Variants in GSE1 observed in about 807,000 individuals in gnomAD.
GSE1 encodes genetic suppressor element 1.
GSE1 carries 32 observed loss-of-function variants against 112.6 expected under a neutral mutation model. That is an observed-to-expected ratio of 0.28 (90% CI 0.21 to 0.38). GSE1 has a LOEUF of 0.38. GSE1 is among the 10% of genes least tolerant of loss of function. The pLI, the probability that GSE1 is intolerant of heterozygous loss-of-function variation, is 1.00. For missense variants in GSE1, 2,348 were observed against 1,699.2 expected (o/e 1.38, Z -6.71); for synonymous variants, 1,115 against 735.6 (o/e 1.52, Z -8.35).
At chr16:85,369,225 CT>C (rs35586031) in intron 2 of GSE1, among the ~76,000 whole-genome samples, 1 of 151,238 alleles carries the variant, frequency 6.6e-6, no homozygotes, top group Non-Finnish European at 1.5e-5. Context: ...TTGCTGCTGC[CT>C]TTTTTTTGAG....
chr16:85,643,849 A>G (rs949114192), intron 2 of GSE1, among the ~76,000 whole-genome samples: 2 of 151,714 alleles, frequency 1.3e-5, no homozygotes, highest in African/African-American at 4.8e-5. Context: ...CCTGGGCAGC[A>G]GGAGCCCGGA....
chr16:85,651,403 G>GC (rs1467719528), intron 3 of GSE1, among the ~76,000 whole-genome samples: 1 of 151,988 alleles, frequency 6.6e-6, no homozygotes, highest in Non-Finnish European at 1.5e-5. Flanking sequence ...CCTGCTGGCT[G>GC]CCCCCCAGCC....
At chr16:85,546,021 G>A (rs111340940) in intron 2 of GSE1, among the ~76,000 whole-genome samples, 4 of 152,288 alleles carry the variant, frequency 2.6e-5, no homozygotes, top group African/African-American at 7.2e-5. Context: ...TCCTGACCTC[G>A]TGATCTGCCC....
At chr16:85,369,880 G>A (rs1020384631) in intron 2 of GSE1, among the ~76,000 whole-genome samples, 30 of 152,202 alleles carry the variant, frequency 2.0e-4, no homozygotes, top group African/African-American at 6.3e-4. Context: ...TCAGCCTCAC[G>A]GTCATTCTGC....
chr16:85,639,647 C>A (rs150582300), intron 2 of GSE1, among the ~76,000 whole-genome samples: 2 of 152,258 alleles, frequency 1.3e-5, no homozygotes, highest in Non-Finnish European at 2.9e-5. Context: ...GCTTCCAGCT[C>A]CCCAGCTCCA....
Position 85,654,271 on chromosome 16 carries a change from C to A in GSE1, c.427-7C>A. ...TCCTGCCCTGACTGGACGCTCTCCTCCCGCAGGATGCCGGCTCCAGGAGCA... is the reference window on the plus strand; with the variant it reads ...TCCTGCCCTGACTGGACGCTCTCCTACCGCAGGATGCCGGCTCCAGGAGCA... On this transcript the variant is annotated splice_region_variant and splice_polypyrimidine_tract_variant and intron_variant, in intron 3 of 15. Coordinates refer to ENST00000253458, the MANE Select transcript of GSE1 (RefSeq NM_014615.5). 1 of 1,586,336 alleles carries A rather than the reference C, an allele frequency of 6.3e-7. No homozygotes were observed. Among genetic ancestry groups the A allele is most frequent in the East Asian group, 2.3e-5 (1 of 42,614 alleles).
intron 2 of GSE1, among the ~76,000 whole-genome samples, chr16:85,512,859 G>C (rs1319877940): frequency 1.3e-5 from 2 of 152,154 alleles, no homozygotes; most frequent in Non-Finnish European, 2.9e-5. Context: ...TTTCCGGCCT[G>C]CTGACTCACA....
At chr16:85,667,110 G>C (rs1425363098) in intron 13 of GSE1, among the ~76,000 whole-genome samples, 2 of 152,258 alleles carry the variant, frequency 1.3e-5, no homozygotes, top group Non-Finnish European at 2.9e-5. Context: ...CTCCATGACA[G>C]ATACCAAGGG....
At chr16:85,582,666 TC>T (rs2046501317) in intron 1 of GSE1, among the ~76,000 whole-genome samples, 1 of 152,082 alleles carries the variant, frequency 6.6e-6, no homozygotes. Context: ...AGCTCAGTCC[TC>T]CCCGTGTTGA....
At chr16:85,204,140 C>T (rs559857742) in intron 1 of GSE1, among the ~76,000 whole-genome samples, 6 of 152,322 alleles carry the variant, frequency 3.9e-5, no homozygotes, top group African/African-American at 9.6e-5. Context: ...TCCCCGTTCC[C>T]CTCAGTCTCC....
intron 1 of GSE1, among the ~76,000 whole-genome samples, chr16:85,295,726 C>T (rs1489002728): frequency 6.6e-6 from 1 of 152,082 alleles, no homozygotes. Context: ...GTAGAAAACA[C>T]ACATCGATCC....
At chr16:85,568,523 A>T (rs2045852738) in intron 1 of GSE1, among the ~76,000 whole-genome samples, 1 of 152,192 alleles carries the variant, frequency 6.6e-6, no homozygotes, top group Admixed American at 6.5e-5. Context: ...GTAAATTATT[A>T]ATTTGGGCCA....
At chr16:85,402,770 A>G (rs551319569) in intron 2 of GSE1, among the ~76,000 whole-genome samples, 6 of 151,712 alleles carry the variant, frequency 4.0e-5, no homozygotes, top group Non-Finnish European at 8.8e-5. Context: ...AAAAATACAA[A>G]AGTTATCCGG....
At position 85,653,809 on chromosome 16, in the gene GSE1, G is replaced by C. The variant is rs116610980; in HGVS notation, c.427-469G>C. On this transcript the variant is annotated intron_variant, in intron 3 of 15. Coordinates refer to ENST00000253458, the MANE Select transcript of GSE1 (RefSeq NM_014615.5). ...ACCAGGGCCAGGACATCTGCGGCCAGGTGGGCAGCTGTCGGCGCAGTTGAC... is the reference window on the plus strand; with the variant it reads ...ACCAGGGCCAGGACATCTGCGGCCACGTGGGCAGCTGTCGGCGCAGTTGAC... 8.9e-3 allele frequency among the ~76,000 whole-genome samples: 1,352 copies of C among 152,338 alleles called. 20 individuals carry two copies. Among genetic ancestry groups the C allele is most frequent in the African/African-American group, 0.028 (1,149 of 41,562 alleles).
intron 1 of GSE1, among the ~76,000 whole-genome samples, chr16:85,349,905 G>T (rs564991432): frequency 1.3e-5 from 2 of 152,202 alleles, no homozygotes; most frequent in South Asian, 2.1e-4. Context: ...GCCGCTAGGC[G>T]TGGGGGTGCA....
chr16:85,422,974 C>T (rs2048885271), intron 2 of GSE1, among the ~76,000 whole-genome samples: 1 of 152,166 alleles, frequency 6.6e-6, no homozygotes, highest in Non-Finnish European at 1.5e-5. Flanking sequence ...ATTGAACTTG[C>T]CTGGCTTTTA....
intron 2 of GSE1, among the ~76,000 whole-genome samples, chr16:85,449,382 G>C (rs1367383160): frequency 6.6e-6 from 1 of 152,230 alleles, no homozygotes; most frequent in African/African-American, 2.4e-5. Flanking sequence ...GCCTCCCTGG[G>C]ATGGCAGCCG....
intron 1 of GSE1, among the ~76,000 whole-genome samples, chr16:85,195,508 T>C (rs2143494851): frequency 6.6e-6 from 1 of 152,340 alleles, no homozygotes; most frequent in East Asian, 1.9e-4. Flanking sequence ...TGGACTTGGA[T>C]GCAGCTCTCT....
chr16:85,661,142 C>T lies in GSE1; in HGVS notation c.1641-4C>T, dbSNP rs776400854. The T allele has an allele frequency of 1.9e-6, 3 of 1,574,538 alleles. No homozygotes were observed. Among genetic ancestry groups the T allele is most frequent in the African/African-American group, 1.4e-5 (1 of 73,996 alleles). ...CTGACTGAAGGGTTGGTTTCACTCC[C>T]TAGGCCAGGACCAAACCGTCACGAG... is the stretch of plus-strand genomic sequence containing the variant. On this transcript the variant is annotated splice_polypyrimidine_tract_variant and splice_region_variant and intron_variant, in intron 8 of 15. Coordinates refer to ENST00000253458, the MANE Select transcript of GSE1 (RefSeq NM_014615.5).
Sources: allele counts gnomAD v4.1 joint callset (sites outside exome capture counted in the v4.1 genomes callset), GRCh38; gene constraint gnomAD v4.1.1; transcripts MANE v1.5; gene names NCBI Gene and HGNC (gene_info 2026-07-23, HGNC 2026-07-21).